The following CPAP variants were observed in gnomAD, a reference collection of about 807,000 sequenced individuals.
The protein encoded by CPAP is centrosomal P4.1-associated protein.
the CPAP span, chr13:24,906,130 G>C: frequency 3.6e-4 from 580 of 1,613,392 alleles, 3 homozygotes; most frequent in African/African-American, 7.3e-3. Context: ...AATCCTCACT[G>C]CGGTTACAAT....
the CPAP span, among the ~76,000 whole-genome samples, chr13:24,923,123 AAAACT>A: frequency 6.6e-6 from 1 of 152,214 alleles, no homozygotes; most frequent in Non-Finnish European, 1.5e-5. Context: ...CCACACTTAG[AAAACT>A]AAAGGGAACG....
At chr13:24,896,981 C>T in the CPAP span, among the ~76,000 whole-genome samples, 1 of 152,220 alleles carries the variant, frequency 6.6e-6, no homozygotes, top group Non-Finnish European at 1.5e-5. Context: ...GTAACTATAA[C>T]TCAGATTGTT....
the CPAP span, chr13:24,905,459 G>A: frequency 6.2e-7 from 1 of 1,614,170 alleles, no homozygotes; most frequent in Non-Finnish European, 8.5e-7. Context: ...CGATGTAGGA[G>A]GACTTCTGCT....
At chr13:24,912,100 T>C in the CPAP span, 2 of 1,595,454 alleles carry the variant, frequency 1.3e-6, 1 homozygote, top group Middle Eastern at 3.3e-4. Context: ...CTTTATTAAA[T>C]CAACTTTACA....
chr13:24,893,285 T>C, the CPAP span, among the ~76,000 whole-genome samples: 6 of 152,246 alleles, frequency 3.9e-5, no homozygotes, highest in African/African-American at 1.4e-4. Context: ...CTACCTGCCC[T>C]GAAAACTATC....
the CPAP span, chr13:24,889,196 A>T: frequency 2.6e-6 from 2 of 774,628 alleles, no homozygotes; most frequent in Non-Finnish European, 4.5e-6. Context: ...TACATTTATT[A>T]ATTCAAATTC....
At chr13:24,883,985 C>T in the CPAP span, 2 of 1,614,110 alleles carry the variant, frequency 1.2e-6, no homozygotes, top group African/African-American at 1.3e-5. Flanking sequence ...ACAATTGTAC[C>T]ATCTGGGAAA....
the CPAP span, among the ~76,000 whole-genome samples, chr13:24,891,288 C>G: frequency 9.9e-5 from 15 of 152,154 alleles, no homozygotes; most frequent in Admixed American, 9.8e-4. Context: ...TGCCTACTCA[C>G]AGCCCTGCTG....
chr13:24,906,816 CG>C, the CPAP span: 1 of 1,614,162 alleles, frequency 6.2e-7, no homozygotes, highest in East Asian at 2.2e-5. Flanking sequence ...GGCTGGTCCT[CG>C]GAAGTGCTCT....
the CPAP span, among the ~76,000 whole-genome samples, chr13:24,893,143 G>C: frequency 6.6e-6 from 1 of 152,138 alleles, no homozygotes; most frequent in South Asian, 2.1e-4. Context: ...CCAAGAGGTA[G>C]GAAAGACCTC....
At chr13:24,906,189 G>A in the CPAP span, 223 of 1,613,640 alleles carry the variant, frequency 1.4e-4, 1 homozygote, top group South Asian at 1.5e-3. Flanking sequence ...GCTTTGACAG[G>A]GGTGGAAGAC....
chr13:24,906,950 C>A, the CPAP span: 1 of 1,613,266 alleles, frequency 6.2e-7, no homozygotes, highest in Non-Finnish European at 8.5e-7. Context: ...TGGCAATGGT[C>A]CTTCTGCTTC....
At chr13:24,907,998 A>T in the CPAP span, 2 of 1,486,056 alleles carry the variant, frequency 1.3e-6, no homozygotes, top group Non-Finnish European at 1.9e-6. Context: ...CACATTTCTC[A>T]CTTTCAACAC....
chr13:24,890,215 C>G, the CPAP span, among the ~76,000 whole-genome samples: 1 of 152,180 alleles, frequency 6.6e-6, no homozygotes. Flanking sequence ...ATAGACATAA[C>G]TATGGCAAAA....
At chr13:24,916,386 T>TA in the CPAP span, among the ~76,000 whole-genome samples, 3 of 152,096 alleles carry the variant, frequency 2.0e-5, no homozygotes, top group Non-Finnish European at 2.9e-5. Flanking sequence ...ACTCGGTGTC[T>TA]AAAAAACATA....
chr13:24,927,516 C>CG, the CPAP span, among the ~76,000 whole-genome samples: 2 of 152,180 alleles, frequency 1.3e-5, no homozygotes, highest in African/African-American at 4.8e-5. Flanking sequence ...CCCTTCCCCC[C>CG]GCAGTGATTC....
the CPAP span, chr13:24,905,609 T>A: frequency 1.2e-5 from 19 of 1,614,092 alleles, no homozygotes; most frequent in Non-Finnish European, 1.5e-5. Flanking sequence ...AAGAACAACA[T>A]CATGGTTACA....
At chr13:24,883,084 A>ACAT in the CPAP span, 1 of 1,127,536 alleles carries the variant, frequency 8.9e-7, no homozygotes, top group African/African-American at 1.5e-5. Context: ...TTTTCCCCAC[A>ACAT]CATACACAAT....
the CPAP span, chr13:24,906,071 T>C: frequency 1.9e-6 from 3 of 1,613,482 alleles, no homozygotes; most frequent in African/African-American, 2.7e-5. Context: ...ATGAAGTTGT[T>C]TGGGTGCGAC....
Sources: allele counts gnomAD v4.1 joint callset (sites outside exome capture counted in the v4.1 genomes callset), GRCh38; gene constraint gnomAD v4.1.1; transcripts MANE v1.5; gene names NCBI Gene and HGNC (gene_info 2026-07-23, HGNC 2026-07-21).